The following EYA4 variants were observed in gnomAD, a reference collection of about 807,000 sequenced individuals.
EYA4 encodes the protein EYA transcriptional coactivator and phosphatase 4.
In EYA4, 31 loss-of-function variants were observed where a neutral mutation model predicts 87.9. The ratio of observed to expected loss-of-function variants is 0.35; its 90% CI spans 0.27 to 0.48. The LOEUF (loss-of-function observed/expected upper bound fraction) is 0.48, where lower values mean the gene tolerates loss of function less well. EYA4 is among the 20% of genes least tolerant of loss of function. The pLI, the probability that EYA4 is intolerant of heterozygous loss-of-function variation, is 0.99. For synonymous variants in EYA4, 263 were observed against 270.6 expected (o/e 0.97, Z 0.28); for missense variants, 678 against 761.4 (o/e 0.89, Z 1.29).
chr6:133,275,256 T>G (rs1276319161), intron 2 of EYA4, among the ~76,000 whole-genome samples: 5 of 152,204 alleles, frequency 3.3e-5, no homozygotes. Flanking sequence ...TTTACTAGAT[T>G]CATTGCAGGA....
In EYA4 at chr6:133,301,539, C is replaced by T. The variant is rs115048399; in HGVS notation, c.33+26726C>T. On this transcript the variant is annotated intron_variant, in intron 2 of 19. Coordinates refer to ENST00000355286, the MANE Select transcript of EYA4 (RefSeq NM_004100.5). Reference sequence around the variant, plus strand: ...TATGATATTAATAGCCAGCATTTATCAAGGAATTACTGCACATTAAGCATG... The same window carrying T: ...TATGATATTAATAGCCAGCATTTATTAAGGAATTACTGCACATTAAGCATG... Among the ~76,000 whole-genome samples, 1,170 of 152,270 alleles carry T rather than the reference C, an allele frequency of 7.7e-3. 11 individuals are homozygous for T. The highest frequency in any genetic ancestry group is 0.025 in the African/African-American group (1,051 of 41,548).
chr6:133,249,796 C>T (rs1053660980), intron 1 of EYA4, among the ~76,000 whole-genome samples: 5 of 152,142 alleles, frequency 3.3e-5, no homozygotes, highest in African/African-American at 9.7e-5. Flanking sequence ...CTGAGTTGAA[C>T]GTTTCTTTCT....
chr6:133,268,425 A>T (rs1421178321), intron 1 of EYA4, among the ~76,000 whole-genome samples: 2 of 152,184 alleles, frequency 1.3e-5, no homozygotes, highest in Non-Finnish European at 2.9e-5. Context: ...TCAGAGTAAG[A>T]AGGAACATCA....
intron 3 of EYA4, among the ~76,000 whole-genome samples, chr6:133,410,633 T>TTTTTTTTTTTTTTTTTTTTTTG (rs1554252061): frequency 6.7e-6 from 1 of 148,722 alleles, no homozygotes; most frequent in Non-Finnish European, 1.5e-5. Context: ...ACTAAGGTCT[T>TTTTTTTTTTTTTTTTTTTTTTG]AATTCCTTCT....
At chr6:133,292,958 ACACT>A (rs1305485541) in intron 2 of EYA4, among the ~76,000 whole-genome samples, 1 of 152,208 alleles carries the variant, frequency 6.6e-6, no homozygotes, top group Non-Finnish European at 1.5e-5. Context: ...AAAGAACTTG[ACACT>A]CACTGTCACA....
At chr6:133,417,573 A>G (rs1366724363) in intron 3 of EYA4, among the ~76,000 whole-genome samples, 1 of 152,184 alleles carries the variant, frequency 6.6e-6, no homozygotes, top group African/African-American at 2.4e-5. Context: ...TAGTTAGAAT[A>G]TATATGTTCT....
At chr6:133,461,810 CTTTTTT>C (rs11450141) in intron 7 of EYA4, among the ~76,000 whole-genome samples, 1 of 129,932 alleles carries the variant, frequency 7.7e-6, no homozygotes, top group Admixed American at 7.8e-5. Flanking sequence ...AATGATGTTC[CTTTTTT>C]TTTTTTTTTT....
At chr6:133,508,628 G>A (rs1347082002) in intron 14 of EYA4, among the ~76,000 whole-genome samples, 2 of 152,132 alleles carry the variant, frequency 1.3e-5, no homozygotes, top group Non-Finnish European at 2.9e-5. Flanking sequence ...CACATTAGAA[G>A]CCAGATGGAA....
At chr6:133,279,577 T>G (rs1777457246) in intron 2 of EYA4, among the ~76,000 whole-genome samples, 1 of 152,194 alleles carries the variant, frequency 6.6e-6, no homozygotes, top group Non-Finnish European at 1.5e-5. Flanking sequence ...TTTGTAGATA[T>G]GAATTGTATT....
Position 133,425,451 on chromosome 6 carries a change from G to A in EYA4, c.84-21179G>A, listed in dbSNP as rs9493621. Among the ~76,000 whole-genome samples, 416 of 150,434 alleles carry A rather than the reference G, an allele frequency of 2.8e-3. 28 individuals carry two copies. The highest frequency in any genetic ancestry group is 0.017 in the Middle Eastern group (5 of 292). On this transcript the variant is annotated intron_variant, in intron 3 of 19. Transcript: ENST00000355286. ...AAGGTCATGACACCCCCCCAACCTC[G>A]CCATCAGCACTTACTTGGAAGTCTC...
intron 17 of EYA4, among the ~76,000 whole-genome samples, chr6:133,516,287 C>T (rs1799589441): frequency 6.6e-6 from 1 of 151,944 alleles, no homozygotes; most frequent in Non-Finnish European, 1.5e-5. Context: ...CTGTTAGGTA[C>T]TAGACTTAGT....
intron 19 of EYA4, among the ~76,000 whole-genome samples, chr6:133,526,400 A>G (rs1800633420): frequency 6.6e-6 from 1 of 152,154 alleles, no homozygotes; most frequent in South Asian, 2.1e-4. Context: ...AAAAACAGTC[A>G]ACATAGACAG....
intron 3 of EYA4, among the ~76,000 whole-genome samples, chr6:133,421,786 A>G (rs1260205786): frequency 6.6e-6 from 1 of 152,220 alleles, no homozygotes; most frequent in African/African-American, 2.4e-5. Context: ...GATCAGCTTA[A>G]TCAGGACAGA....
At chr6:133,248,017 A>G (rs939238004) in intron 1 of EYA4, 4 of 152,140 alleles carry the variant, frequency 2.6e-5, no homozygotes, top group African/African-American at 9.7e-5. Flanking sequence ...CCCTTCTATA[A>G]CTTGAGTATC....
At chr6:133,341,686 G>A (rs1177790080) in intron 2 of EYA4, among the ~76,000 whole-genome samples, 1 of 151,788 alleles carries the variant, frequency 6.6e-6, no homozygotes, top group Non-Finnish European at 1.5e-5. Context: ...ACTCACAAAT[G>A]AATAGCTAGT....
At chr6:133,380,128 A>C (rs1442091389) in intron 2 of EYA4, among the ~76,000 whole-genome samples, 1 of 152,136 alleles carries the variant, frequency 6.6e-6, no homozygotes. Flanking sequence ...CTTTAGATAG[A>C]CTTCCCCTAG....
chr6:133,289,821 A>G (rs1778343208), intron 2 of EYA4, among the ~76,000 whole-genome samples: 1 of 152,242 alleles, frequency 6.6e-6, no homozygotes, highest in Non-Finnish European at 1.5e-5. Context: ...TCTTCAGAAT[A>G]CAAATAACTT....
intron 2 of EYA4, among the ~76,000 whole-genome samples, chr6:133,341,111 C>T (rs975587390): frequency 6.6e-6 from 1 of 152,168 alleles, no homozygotes; most frequent in Admixed American, 6.5e-5. Context: ...AGACCCAGAA[C>T]ATGCATTTTA....
At position 133,481,579 on chromosome 6, in the gene EYA4, C is replaced by A. The variant is rs766386665; in HGVS notation, c.1087C>A (p.Pro363Thr). The change falls in exon 12 of 20, where the codon CCT becomes ACT. Residue 363 changes from proline (P) to threonine (T), a missense_variant. Physicochemically the swap from Pro to Thr is conservative, Grantham distance 38. Coordinates refer to ENST00000355286, the MANE Select transcript of EYA4 (RefSeq NM_004100.5). ...GRGRKNNPSP[P>T]PDSDLERVFV... Reference sequence around the variant, plus strand: ...AGGCCGGAAAAATAATCCCTCCCCGCCTCCTGATAGTGACCTGGAGGTATG... The same window carrying A: ...AGGCCGGAAAAATAATCCCTCCCCGACTCCTGATAGTGACCTGGAGGTATG... 2.5e-6 allele frequency: 4 copies of A among 1,614,004 alleles called. No individual in the cohort carries two copies. The highest frequency in any genetic ancestry group is 3.4e-6 in the Non-Finnish European group (4 of 1,179,932).
Sources: gnomAD v4.1 joint callset for allele counts (sites outside exome capture counted in the v4.1 genomes callset) on GRCh38, gnomAD v4.1.1 for gene constraint, MANE v1.5 for transcripts, NCBI Gene and HGNC (gene_info 2026-07-23, HGNC 2026-07-21) for gene names.